HSF2: variants seen among roughly 807,000 people sequenced by gnomAD.
HSF2 encodes the protein heat shock factor protein 2.
HSF2 carries 21 observed loss-of-function variants against 65.0 expected under a neutral mutation model. The observed-to-expected ratio is 0.32, with a 90% confidence interval of 0.23 to 0.47. HSF2 has a LOEUF of 0.47. Ranked by LOEUF, HSF2 falls within the 20% of genes least tolerant of loss-of-function variation. The probability of loss-of-function intolerance (pLI) is 1.00; values close to 1 mark genes in which losing one functional copy is unlikely to be tolerated. For missense variants in HSF2, 499 were observed against 628.1 expected (o/e 0.79, Z 2.20); for synonymous variants, 225 against 219.1 (o/e 1.03, Z -0.24).
intron 10 of HSF2, among the ~76,000 whole-genome samples, chr6:122,426,939 T>A (rs145639731): frequency 7.3e-4 from 111 of 152,236 alleles, no homozygotes; most frequent in African/African-American, 2.6e-3. Flanking sequence ...ATATCCTACC[T>A]TCTTTGTTGA....
intron 10 of HSF2, among the ~76,000 whole-genome samples, chr6:122,427,122 C>T (rs1389275285): frequency 6.6e-6 from 1 of 151,920 alleles, no homozygotes; most frequent in Admixed American, 6.6e-5. Context: ...CTCCTTAGTG[C>T]TTTTGAGCGC....
chr6:122,404,525 A>T (rs897454625), intron 1 of HSF2, among the ~76,000 whole-genome samples: 2 of 152,204 alleles, frequency 1.3e-5, no homozygotes, highest in African/African-American at 4.8e-5. Context: ...TGTTCCGAAA[A>T]ATGTTTTAAA....
intron 10 of HSF2, among the ~76,000 whole-genome samples, chr6:122,425,416 G>A (rs554977777): frequency 6.6e-6 from 1 of 152,030 alleles, no homozygotes; most frequent in Admixed American, 6.6e-5. Flanking sequence ...ACAAATTTGG[G>A]TTCTGTTATA....
At position 122,407,117 on chromosome 6, in the gene HSF2, G is replaced by A. The variant is rs540284370; in HGVS notation, c.94-5256G>A. 1.4e-3 allele frequency among the ~76,000 whole-genome samples: 211 copies of A among 152,322 alleles called. 1 individual carries two copies. The highest frequency in any genetic ancestry group is 4.8e-3 in the African/African-American group (199 of 41,568). ...ATGAAGACAAAAGCCAGCAAAGGAG[G>A]CTGAGACGGAACAGTGAAAAAGAAG... On this transcript the variant is annotated intron_variant, in intron 1 of 12. Coordinates refer to ENST00000368455, the MANE Select transcript of HSF2 (RefSeq NM_004506.4).
chr6:122,423,657 T>C lies in HSF2; in HGVS notation c.1147T>C (p.Phe383Leu). The C allele has an allele frequency of 6.2e-7, 1 of 1,607,614 alleles. No individual in the cohort carries two copies. Residue 383 changes from phenylalanine to leucine, a missense_variant, in exon 10 of 13, where the codon TTT becomes CTT. Around this residue, in one of 2 missense-constraint regions of HSF2, gnomAD observed 349 missense variants for 393.5 expected, o/e 0.89. Transcript: ENST00000368455. ...DFQAMLSGRQ[F>L]SIDPDLLVDL... ...CCAGGCCATGCTATCAGGAAGACAATTTAGCATAGACCCAGATCTCCTGGT... is the reference window on the plus strand; with the variant it reads ...CCAGGCCATGCTATCAGGAAGACAACTTAGCATAGACCCAGATCTCCTGGT...
chr6:122,425,172 T>C (rs1190814134), intron 10 of HSF2, among the ~76,000 whole-genome samples: 1 of 152,094 alleles, frequency 6.6e-6, no homozygotes, highest in African/African-American at 2.4e-5. Context: ...CTTTGTTCAT[T>C]TACCATTCTG....
intron 9 of HSF2, 102 bp downstream of exon 9, chr6:122,423,059 A>G: frequency 2.4e-6 from 3 of 1,246,904 alleles, no homozygotes; most frequent in Non-Finnish European, 3.5e-6. Flanking sequence ...TGATGAACCC[A>G]CATAGTCCAC....
At position 122,427,952 on chromosome 6, in the gene HSF2, C is replaced by G; in HGVS notation, c.1226C>G (p.Thr409Arg). 1.9e-6 allele frequency: 3 copies of G among 1,593,522 alleles called. No homozygotes were observed. The highest frequency in any genetic ancestry group is 2.6e-6 in the Non-Finnish European group (3 of 1,164,858). Reference sequence around the variant, plus strand: ...AATCCCACAGATTACATCAATAATACAAAAGTAAGTTTTAATTCATGTTGC... The same window carrying G: ...AATCCCACAGATTACATCAATAATAGAAAAGTAAGTTTTAATTCATGTTGC... The part of the protein sequence containing the change: ...QMNPTDYINN[T>R]KSENKGLETT... The change falls in exon 11 of 13, where the codon ACA (threonine) becomes AGA (arginine). Residue 409 changes from threonine (T) to arginine (R), a missense_variant. By Grantham distance (71) the Thr-to-Arg change is moderately conservative. Around this residue, in one of 2 missense-constraint regions of HSF2, gnomAD observed 349 missense variants for 393.5 expected, o/e 0.89. Transcript: ENST00000368455.
At chr6:122,413,398 C>T in intron 3 of HSF2, 127 bp from the exon 4 acceptor site, 2 of 644,886 alleles carry the variant, frequency 3.1e-6, no homozygotes. Context: ...AGCATTTCAT[C>T]CCGGGCTTTT....
rs1554207213 is a variant in HSF2 at position 122,399,674 on chromosome 6, A to AGCTGCCGCCGTAGCTGCCGCCGCC, written c.-54_-53insTAGCTGCCGCCGCCGCTGCCGCCG. On this transcript the variant is annotated 5_prime_UTR_variant, in exon 1 of 13. Transcript: ENST00000368455. Reference sequence around the variant, plus strand: ...GGCGTTCTCGGGGAGCTGCTGCCGTAGCTGCCGCCGCCGCTACCACCGCGT... The same window carrying AGCTGCCGCCGTAGCTGCCGCCGCC: ...GGCGTTCTCGGGGAGCTGCTGCCGTAGCTGCCGCCGTAGCTGCCGCCGCCGCTGCCGCCGCCGCTACCACCGCGT... 41 of 1,399,812 alleles carry AGCTGCCGCCGTAGCTGCCGCCGCC rather than the reference A, an allele frequency of 2.9e-5. No homozygotes were observed. In the African/African-American group the frequency reaches 3.3e-4, roughly 11 times the overall value. 86.7% of individuals were successfully genotyped at this position (1,399,812 alleles called of 1,614,324 possible). A position where few individuals can be genotyped will look rare whatever the true frequency, so the allele number is the denominator to read the frequency against.
At chr6:122,403,964 C>T (rs1167515705) in intron 1 of HSF2, among the ~76,000 whole-genome samples, 2 of 152,176 alleles carry the variant, frequency 1.3e-5, no homozygotes, top group East Asian at 1.9e-4. Flanking sequence ...TTACAACCAA[C>T]GTATGCTGAA....
At chr6:122,406,893 A>T (rs1023821306) in intron 1 of HSF2, among the ~76,000 whole-genome samples, 1 of 152,120 alleles carries the variant, frequency 6.6e-6, no homozygotes, top group Admixed American at 6.6e-5. Flanking sequence ...AAAAAACAGG[A>T]GTATTTTTGA....
chr6:122,426,719 A>G (rs993034792), intron 10 of HSF2, among the ~76,000 whole-genome samples: 2 of 152,080 alleles, frequency 1.3e-5, no homozygotes, highest in African/African-American at 2.4e-5. Flanking sequence ...GAATGGAGGA[A>G]GAATCTGCCT....
chr6:122,423,191 T>C (rs1774273637), intron 9 of HSF2, among the ~76,000 whole-genome samples: 1 of 152,188 alleles, frequency 6.6e-6, no homozygotes, highest in South Asian at 2.1e-4. Flanking sequence ...CCTTTGAGTG[T>C]ACATACAGTG....
chr6:122,431,091 CAATT>C (rs1230954279), intron 11 of HSF2, among the ~76,000 whole-genome samples: 2 of 152,122 alleles, frequency 1.3e-5, no homozygotes, highest in African/African-American at 4.8e-5. Flanking sequence ...AATTATCTCT[CAATT>C]AACATTTTGA....
At chr6:122,428,594 T>C (rs191687265) in intron 11 of HSF2, among the ~76,000 whole-genome samples, 1 of 152,150 alleles carries the variant, frequency 6.6e-6, no homozygotes, top group Admixed American at 6.5e-5. Context: ...TTAATTGTCA[T>C]GAATAGGTAT....
chr6:122,409,253 G>C (rs935788677), intron 1 of HSF2, among the ~76,000 whole-genome samples: 4 of 151,916 alleles, frequency 2.6e-5, no homozygotes, highest in Admixed American at 1.3e-4. Flanking sequence ...CCAGAGAGTC[G>C]AACATTTAAG....
chr6:122,402,192 TC>T (rs1019429628), intron 1 of HSF2, among the ~76,000 whole-genome samples: 1 of 152,226 alleles, frequency 6.6e-6, no homozygotes, highest in Non-Finnish European at 1.5e-5. Context: ...AGATCAGTCT[TC>T]CACCAATAGA....
intron 12 of HSF2, 152 bp downstream of exon 12, chr6:122,431,666 G>A (rs1383506697): frequency 3.8e-6 from 2 of 519,748 alleles, no homozygotes; most frequent in Non-Finnish European, 6.6e-6. Context: ...TTGAATTGGT[G>A]AGGTAACAAT....
Sources: allele counts gnomAD v4.1 joint callset (sites outside exome capture counted in the v4.1 genomes callset), GRCh38; gene constraint gnomAD v4.1.1; regional missense constraint gnomAD v4.1.1; transcripts MANE v1.5; gene names NCBI Gene and HGNC (gene_info 2026-07-23, HGNC 2026-07-21).